Variants in SPMIP2 observed in about 807,000 individuals in gnomAD.
SPMIP2 encodes the protein sperm microtubule inner protein 2, also known as protein SPMIP2.
At chr4:158,973,361 T>C in the SPMIP2 span, 1 of 1,200,840 alleles carries the variant, frequency 8.3e-7, no homozygotes, top group East Asian at 2.4e-5. Flanking sequence ...TATTCTAAGA[T>C]ACTTTTGTTA....
chr4:159,039,345 A>G, the SPMIP2 span, among the ~76,000 whole-genome samples: 1 of 152,208 alleles, frequency 6.6e-6, no homozygotes, highest in Non-Finnish European at 1.5e-5. Context: ...TCTGGGGCCC[A>G]GCAGGAAACT....
At chr4:159,038,111 T>A in the SPMIP2 span, among the ~76,000 whole-genome samples, 1 of 152,172 alleles carries the variant, frequency 6.6e-6, no homozygotes, top group Non-Finnish European at 1.5e-5. Flanking sequence ...CAAAGTGTAG[T>A]TTTCTGCATA....
At chr4:158,948,917 T>C in the SPMIP2 span, among the ~76,000 whole-genome samples, 1 of 152,188 alleles carries the variant, frequency 6.6e-6, no homozygotes, top group African/African-American at 2.4e-5. Context: ...AATGGAAACT[T>C]TCATTCTGGA....
the SPMIP2 span, among the ~76,000 whole-genome samples, chr4:159,054,305 A>T: frequency 6.6e-6 from 1 of 151,972 alleles, no homozygotes; most frequent in Non-Finnish European, 1.5e-5. Flanking sequence ...TATTTCAGCA[A>T]TTTTTTTCCA....
At chr4:159,070,226 C>T in the SPMIP2 span, among the ~76,000 whole-genome samples, 4 of 152,182 alleles carry the variant, frequency 2.6e-5, no homozygotes, top group East Asian at 1.9e-4. Context: ...TTTGTGCCAT[C>T]GAGTTGTTTA....
the SPMIP2 span, among the ~76,000 whole-genome samples, chr4:159,064,948 T>G: frequency 6.6e-6 from 1 of 152,218 alleles, no homozygotes; most frequent in Non-Finnish European, 1.5e-5. Flanking sequence ...AACATTGAGT[T>G]TTCTATTTGG....
At chr4:159,002,091 T>C in the SPMIP2 span, among the ~76,000 whole-genome samples, 4 of 152,232 alleles carry the variant, frequency 2.6e-5, no homozygotes, top group Admixed American at 2.6e-4. Context: ...TGAGCTTTTT[T>C]TTTCATATGC....
At chr4:158,904,655 C>G in the SPMIP2 span, 3 of 922,270 alleles carry the variant, frequency 3.3e-6, no homozygotes, top group East Asian at 7.3e-5. Context: ...CAAACAGAAA[C>G]AGTCATTCCA....
the SPMIP2 span, chr4:158,904,408 C>A: frequency 7.2e-7 from 1 of 1,392,104 alleles, no homozygotes; most frequent in Non-Finnish European, 1.0e-6. Flanking sequence ...AGAAATAATA[C>A]TTTCTCATAA....
the SPMIP2 span, among the ~76,000 whole-genome samples, chr4:158,911,329 CAG>C: frequency 1.4e-5 from 2 of 147,566 alleles, no homozygotes; most frequent in East Asian, 4.0e-4. Flanking sequence ...GCCTGGGCAA[CAG>C]AGCGAGACTC....
At chr4:159,046,287 C>T in the SPMIP2 span, among the ~76,000 whole-genome samples, 2 of 151,574 alleles carry the variant, frequency 1.3e-5, no homozygotes, top group Non-Finnish European at 2.9e-5. Context: ...AGAGAGGGCA[C>T]CTGAGACAGA....
At chr4:159,042,191 C>T in the SPMIP2 span, among the ~76,000 whole-genome samples, 2 of 152,166 alleles carry the variant, frequency 1.3e-5, no homozygotes, top group Admixed American at 6.5e-5. Context: ...CTTTCCCACC[C>T]CTGTAACTAT....
At chr4:159,074,552 A>G in the SPMIP2 span, among the ~76,000 whole-genome samples, 60 of 152,254 alleles carry the variant, frequency 3.9e-4, no homozygotes, top group Admixed American at 1.6e-3. Context: ...CAGAATTCTT[A>G]TTAGTCTGGC....
At chr4:159,062,235 G>A in the SPMIP2 span, among the ~76,000 whole-genome samples, 1 of 152,204 alleles carries the variant, frequency 6.6e-6, no homozygotes, top group Non-Finnish European at 1.5e-5. Context: ...CCTCTTGATT[G>A]TTCCCTGGCA....
At chr4:158,937,413 A>G in the SPMIP2 span, 13 of 154,524 alleles carry the variant, frequency 8.4e-5, no homozygotes, top group East Asian at 2.5e-3. Context: ...TATAAAAAGA[A>G]GCAAAATTTT....
chr4:159,077,164 G>C, the SPMIP2 span, among the ~76,000 whole-genome samples: 2 of 151,174 alleles, frequency 1.3e-5, no homozygotes, highest in Non-Finnish European at 2.9e-5. Context: ...TTTTGAGACA[G>C]AGTTTCGCTC....
At chr4:159,019,044 C>A in the SPMIP2 span, among the ~76,000 whole-genome samples, 2 of 152,054 alleles carry the variant, frequency 1.3e-5, no homozygotes, top group East Asian at 1.9e-4. Flanking sequence ...GAGCCGAGAT[C>A]GCGCCACTGG....
the SPMIP2 span, among the ~76,000 whole-genome samples, chr4:158,949,100 G>A: frequency 3.3e-5 from 5 of 151,870 alleles, no homozygotes; most frequent in Non-Finnish European, 1.5e-5. Context: ...CACCTATATA[G>A]TATACAATTT....
chr4:159,047,499 A>T, the SPMIP2 span, among the ~76,000 whole-genome samples: 1 of 151,726 alleles, frequency 6.6e-6, no homozygotes, highest in Non-Finnish European at 1.5e-5. Flanking sequence ...TGATTGATTA[A>T]ATTTTTTTTT....
Sources: allele counts gnomAD v4.1 joint callset (sites outside exome capture counted in the v4.1 genomes callset), GRCh38; gene constraint gnomAD v4.1.1; transcripts MANE v1.5; gene names NCBI Gene and HGNC (gene_info 2026-07-23, HGNC 2026-07-21).